The following MYO18A variants were observed in gnomAD, a reference collection of about 807,000 sequenced individuals.
MYO18A encodes the protein unconventional myosin-XVIIIa.
In MYO18A, 78 loss-of-function variants were observed where a neutral mutation model predicts 235.8. The observed-to-expected ratio is 0.33, with a 90% CI of 0.28 to 0.40. The LOEUF (loss-of-function observed/expected upper bound fraction) is 0.40, where lower values mean the gene tolerates loss of function less well. Among genes scored for constraint, MYO18A ranks in the 10% least tolerant of loss-of-function variants. The pLI is 1.00. For synonymous variants in MYO18A, 977 were observed against 1,077.8 expected, an observed-to-expected ratio of 0.91 and a Z score of 1.83; for missense variants, 2,215 against 2,699.3, an observed-to-expected ratio of 0.82 and a Z score of 3.98.
chr17:29,090,973 C>T, intron 34 of MYO18A, 47 bp from the exon 35 acceptor site: 1 of 1,504,758 alleles, frequency 6.6e-7, no homozygotes, highest in Non-Finnish European at 9.2e-7. Context: ...CCCAGTGTGC[C>T]TGTGGGCTCC....
chr17:29,160,072 C>T lies in MYO18A; in HGVS notation c.999+5870G>A, dbSNP rs539718651. 3.9e-5 allele frequency among the ~76,000 whole-genome samples: 6 copies of T among 152,300 alleles called. No homozygotes were observed. The East Asian group carries it at 5.8e-4, about 15-fold the overall frequency. On this transcript the variant is annotated intron_variant, in intron 2 of 41. Transcript: ENST00000527372. ...TCATTAAAGAAGCTGCAAAATTACC[C>T]TCCCAGGGTGGCTTTAGAGACTGGG...
chr17:29,096,591 C>A (rs192377965), intron 28 of MYO18A, among the ~76,000 whole-genome samples, 170 bp downstream of exon 28: 307 of 152,280 alleles, frequency 2.0e-3, no homozygotes, highest in Non-Finnish European at 3.3e-3. Context: ...CTGAGTCCAC[C>A]CTGGAGGTCA....
Position 29,111,745 on chromosome 17 carries a change from C to T in MYO18A, c.2717G>A (p.Gly906Asp). 1 of 1,613,692 alleles carries T rather than the reference C, an allele frequency of 6.2e-7. No homozygotes were observed. The highest frequency in any genetic ancestry group is 8.5e-7 in the Non-Finnish European group (1 of 1,179,770). Residue 906 changes from glycine to aspartate, a missense_variant, in exon 16 of 42, where the codon GGC (glycine) becomes GAC (aspartate). Gly to Asp is a moderately conservative substitution (Grantham distance 94). Coordinates refer to ENST00000527372, the MANE Select transcript of MYO18A (RefSeq NM_078471.4). The surrounding 1 kb of genome is among the most constrained non-coding windows in gnomAD (Gnocchi z 5.1). The stretch of plus-strand genomic sequence containing the variant: ...ACCTTTTTTGTCACCTTCCTGGGGG[C>T]CATAATAGGAGAAAAGGCGCTCCAG... ...TLLERLFSYY[G>D]PQEGDKKGQS...
intron 18 of MYO18A, 107 bp downstream of exon 18, chr17:29,110,329 C>A: frequency 7.3e-7 from 1 of 1,366,436 alleles, no homozygotes. Flanking sequence ...CAGTGGGACG[C>A]TGAGTGGGCA....
At position 29,125,985 on chromosome 17, in the gene MYO18A, A is replaced by G. The variant is rs556880999; in HGVS notation, c.1000-3732T>C. 4.1e-5 allele frequency: 40 copies of G among 985,262 alleles called. No homozygotes were observed. In the East Asian group the frequency reaches 3.9e-3, roughly 95 times the overall value. 61.0% of individuals were successfully genotyped at this position (985,262 alleles called of 1,614,324 possible). A position where few individuals can be genotyped will look rare whatever the true frequency, so the allele number is the denominator to read the frequency against. On this transcript the variant is annotated intron_variant, in intron 2 of 41. Coordinates refer to ENST00000527372, the MANE Select transcript of MYO18A (RefSeq NM_078471.4). The surrounding 1 kb of genome is among the most constrained non-coding windows in gnomAD (Gnocchi z 5.1). ...GCTCCTGCCTAAAGGTTAAACCACT[A>G]TTAGTCCCAGCCCAGAAATGGAGAG...
chr17:29,086,122 T>C (rs1276250338), intron 39 of MYO18A, among the ~76,000 whole-genome samples: 1 of 152,254 alleles, frequency 6.6e-6, no homozygotes, highest in Non-Finnish European at 1.5e-5. Context: ...TTTAAATCTC[T>C]GCTCTCCCCA....
Position 29,166,286 on chromosome 17 carries a change from G to A in MYO18A, c.655C>T (p.Arg219Trp), listed in dbSNP as rs780752050. 9 of 1,612,842 alleles carry A rather than the reference G, an allele frequency of 5.6e-6. No homozygotes were observed. Among genetic ancestry groups the A allele is most frequent in the East Asian group, 2.2e-5 (1 of 44,874 alleles). Reference sequence around the variant, plus strand: ...GGCCGTCGTTGCAGCTCCAGCTCCCGGAGGGTAGGTGGGGGCAGGGGCACC... The same window carrying A: ...GGCCGTCGTTGCAGCTCCAGCTCCCAGAGGGTAGGTGGGGGCAGGGGCACC... ...PVVPLPPPTL[R>W]ELELQRRPTG... Residue 219 changes from arginine (R) to tryptophan (W), a missense_variant, in exon 2 of 42, where the codon CGG becomes TGG. Arg to Trp is a moderately radical substitution (Grantham distance 101, BLOSUM62 -3). Transcript: ENST00000527372.
Position 29,085,616 on chromosome 17 carries a change from C to T in MYO18A, c.5885G>A (p.Arg1962Lys). 6.2e-7 allele frequency: 1 copy of T among 1,614,030 alleles called. No homozygotes were observed. ...CTCCAGTCCTCACAGTTTATTCTTT[C>T]TTTTCTGATACTTTGTCACCATGTC... The part of the protein sequence containing the change: ...LQDMVTKYQK[R>K]KNKLEGDSDV... Residue 1962 changes from arginine to lysine, a missense_variant, in exon 40 of 42, where the codon AGA becomes AAA. Transcript: ENST00000527372.
chr17:29,071,127 G>C lies in MYO18A; in HGVS notation c.*3643C>G, dbSNP rs2065880550. ...ACAAAGACAAAAGAAGACCATTTAG[G>C]GGTCACTGCCTGCCACTTTATTTTC... On this transcript the variant is annotated 3_prime_UTR_variant, in exon 42 of 42. Transcript: ENST00000527372. The C allele has an allele frequency of 2.0e-5, 3 of 152,232 alleles. No homozygotes were observed. The South Asian group carries it at 6.2e-4, about 31-fold the overall frequency. The allele number at this position is 152,232 out of a possible 1,614,324, so 9.4% of individuals were successfully genotyped here.
At position 29,098,863 on chromosome 17, in the gene MYO18A, T is replaced by G; in HGVS notation, c.3743A>C (p.Glu1248Ala). The change falls in exon 23 of 42, where the codon GAA becomes GCA. Residue 1248 changes from glutamate to alanine, a missense_variant. By Grantham distance (107) the Glu-to-Ala change is moderately radical. Transcript: ENST00000527372. ...GATCTGCTCCTCTGACAGCTGTACT[T>G]CGATGAGGGGCCTCACTGTGGTAAA... is the stretch of plus-strand genomic sequence containing the variant. The part of the protein sequence containing the change: ...KLFTTVRPLI[E>A]VQLSEEQIRN... 1.2e-6 allele frequency: 2 copies of G among 1,613,950 alleles called. No homozygotes were observed. The highest frequency in any genetic ancestry group is 1.7e-6 in the Non-Finnish European group (2 of 1,179,866).
Position 29,072,286 on chromosome 17 carries a change from G to A in MYO18A, c.*2484C>T, listed in dbSNP as rs756143129. ...CATGCCTATAATCCTAGCACTTTGGGAGGCGAGGCAGGCAGATCACTTGAG... is the reference window on the plus strand; with the variant it reads ...CATGCCTATAATCCTAGCACTTTGGAAGGCGAGGCAGGCAGATCACTTGAG... On this transcript the variant is annotated 3_prime_UTR_variant, in exon 42 of 42. Coordinates refer to ENST00000527372, the MANE Select transcript of MYO18A (RefSeq NM_078471.4). The A allele has an allele frequency of 2.0e-5, 3 of 150,428 alleles. No homozygotes were observed. The highest frequency in any genetic ancestry group is 4.4e-5 in the Non-Finnish European group (3 of 67,854). 9.3% of individuals were successfully genotyped at this position (150,428 alleles called of 1,614,324 possible).
chr17:29,081,710 G>A lies in MYO18A; in HGVS notation c.6020+606C>T, dbSNP rs148951476. Among the ~76,000 whole-genome samples the A allele has an allele frequency of 2.2e-3, 335 of 152,310 alleles. 1 individual carries two copies. Among genetic ancestry groups the A allele is most frequent in the African/African-American group, 7.4e-3 (306 of 41,556 alleles). ...GGCCAGTAGGAAAGAGATGGGCAAG[G>A]GGAAGCTCTGGATTCCAGGGGTAGC... On this transcript the variant is annotated intron_variant, in intron 41 of 41. Coordinates refer to ENST00000527372, the MANE Select transcript of MYO18A (RefSeq NM_078471.4).
intron 2 of MYO18A, chr17:29,127,803 T>G: frequency 8.1e-5 from 78 of 958,762 alleles, no homozygotes; most frequent in Middle Eastern, 5.4e-4. Context: ...GCCTGGCCCT[T>G]GAGCTAGGGT....
At chr17:29,083,506 C>CCATACACACA (rs2066169321) in intron 40 of MYO18A, among the ~76,000 whole-genome samples, 1 of 75,922 alleles carries the variant, frequency 1.3e-5, no homozygotes, top group African/African-American at 6.9e-5. Context: ...AAATAAACAG[C>CCATACACACA]CACACAGGCA....
At chr17:29,082,514 G>C in intron 40 of MYO18A, 76 bp from the exon 41 acceptor site, 1 of 1,517,076 alleles carries the variant, frequency 6.6e-7, no homozygotes, top group South Asian at 1.2e-5. Context: ...TGGGGGTGCA[G>C]GGGGTGTCTT....
rs777597489 is a variant in MYO18A at position 29,107,060 on chromosome 17, G to T, written c.3441+20C>A. 1 of 1,610,614 alleles carries T rather than the reference G, an allele frequency of 6.2e-7. No homozygotes were observed. The highest frequency in any genetic ancestry group is 8.5e-7 in the Non-Finnish European group (1 of 1,176,800). On this transcript the variant is annotated intron_variant, in intron 20 of 41. Coordinates refer to ENST00000527372, the MANE Select transcript of MYO18A (RefSeq NM_078471.4). The stretch of plus-strand genomic sequence containing the variant: ...GAGGGGCCTGGGCAGAGGGAGAGCG[G>T]TCTGGGGACCTGGACCTACCCGCCT...
chr17:29,103,694 C>T lies in MYO18A; in HGVS notation c.3442-30G>A, dbSNP rs534952771. 98 of 1,610,176 alleles carry T rather than the reference C, an allele frequency of 6.1e-5. 1 individual carries two copies. Among genetic ancestry groups the T allele is most frequent in the Admixed American group, 3.7e-4 (22 of 60,016 alleles). On this transcript the variant is annotated intron_variant, in intron 20 of 41. Coordinates refer to ENST00000527372, the MANE Select transcript of MYO18A (RefSeq NM_078471.4). ...GGAGAGAGGCCTCTGTCAGGCAGCC[C>T]GCCTGGGCCTCCCCTCACCATGCAG... is the stretch of plus-strand genomic sequence containing the variant.
chr17:29,136,322 T>C (rs1422897779), intron 2 of MYO18A, among the ~76,000 whole-genome samples: 2 of 129,522 alleles, frequency 1.5e-5, no homozygotes, highest in Non-Finnish European at 3.3e-5. Context: ...CCACAAAAAT[T>C]AAAAAAAAAA....
intron 2 of MYO18A, among the ~76,000 whole-genome samples, chr17:29,147,133 C>T (rs1350926168): frequency 2.0e-5 from 3 of 152,210 alleles, no homozygotes; most frequent in Non-Finnish European, 4.4e-5. Context: ...CAGAGCCCAG[C>T]TCCTTACACA....
Sources: allele counts gnomAD v4.1 joint callset (sites outside exome capture counted in the v4.1 genomes callset), GRCh38; gene constraint gnomAD v4.1.1; non-coding constraint Gnocchi (gnomAD v3.1); transcripts MANE v1.5; gene names NCBI Gene and HGNC (gene_info 2026-07-23, HGNC 2026-07-21).